CD1E: variants seen among roughly 807,000 people sequenced by gnomAD.
The protein encoded by CD1E is T-cell surface glycoprotein CD1e, membrane-associated.
A neutral mutation model predicts 40.1 loss-of-function variants in CD1E; 49 were observed. The observed-to-expected ratio is 1.22, with a 90% CI of 0.97 to 1.55. The LOEUF (loss-of-function observed/expected upper bound fraction) is 1.55. Among genes scored for constraint, CD1E ranks in the 40% most tolerant of loss-of-function variants. CD1E has a pLI of 0.00. For missense variants in CD1E, 492 were observed against 471.3 expected (o/e 1.04, Z -0.41); for synonymous variants, 189 against 178.3 (o/e 1.06, Z -0.48).
chr1:158,355,117 A>G (rs550807663), intron 2 of CD1E, among the ~76,000 whole-genome samples, 183 bp from the exon 3 acceptor site: 4 of 152,046 alleles, frequency 2.6e-5, no homozygotes, highest in South Asian at 2.1e-4. Context: ...GTTATTTCAA[A>G]GTATCTTTAT....
In CD1E at chr1:158,354,035, A is replaced by G. The variant is rs1653297037; in HGVS notation, c.47A>G (p.Glu16Gly). ...LLFEGLCCPG[E>G]NTAAPQALQS... ...TTCGAGGGTCTCTGCTGTCCTGGGG[A>G]AAATACAGCAGGTAAGAAGAGTGCA... The change falls in exon 1 of 6, where the codon GAA (glutamate) becomes GGA (glycine). Residue 16 changes from glutamate to glycine, a missense_variant. Physicochemically the swap from Glu to Gly is moderately conservative, Grantham distance 98 (BLOSUM62 -2). Transcript: ENST00000368167. 1.9e-6 allele frequency: 3 copies of G among 1,613,412 alleles called. No individual in the cohort carries two copies. Among genetic ancestry groups the G allele is most frequent in the Non-Finnish European group, 2.5e-6 (3 of 1,179,376 alleles).
Position 158,355,237 on chromosome 1 carries a change from ATTGT to A in CD1E, c.356-56_356-53del, listed in dbSNP as rs373067924. ...TCCCTTGAATCTCTTTACTGTCTAA[ATTGT>A]TTGTTTTTCTTCCTTGTCATTCTTT... On this transcript the variant is annotated intron_variant, in intron 2 of 5. Coordinates refer to ENST00000368167, the MANE Select transcript of CD1E (RefSeq NM_030893.4). 1,612 of 1,518,854 alleles carry A rather than the reference ATTGT, an allele frequency of 1.1e-3. 8 individuals carry two copies. In the African/African-American group the frequency reaches 0.02, roughly 19 times the overall value. 94.1% of individuals were successfully genotyped at this position (1,518,854 alleles called of 1,614,324 possible). A position where few individuals can be genotyped will look rare whatever the true frequency, so the allele number is the denominator to read the frequency against.
chr1:158,354,140 C>G, intron 1 of CD1E, 94 bp downstream of exon 1: 1 of 1,106,906 alleles, frequency 9.0e-7, no homozygotes, highest in Non-Finnish European at 1.4e-6. Context: ...GAGCAGTACT[C>G]TTCTAGGATG....
In CD1E at chr1:158,356,823, G is replaced by A; in HGVS notation, c.1094G>A (p.Cys365Tyr). The A allele has an allele frequency of 6.2e-7, 1 of 1,613,952 alleles. No individual in the cohort carries two copies. Among genetic ancestry groups the A allele is most frequent in the Non-Finnish European group, 8.5e-7 (1 of 1,179,990 alleles). Reference protein sequence around the residue: ...QDTKNSRHQFCLAQVSWIKNR... With the variant: ...QDTKNSRHQFYLAQVSWIKNR... Reference sequence around the variant, plus strand: ...ACCAAGAATTCAAGACATCAGTTCTGCTTGGCACAAGTATCGTGGATCAAA... The same window carrying A: ...ACCAAGAATTCAAGACATCAGTTCTACTTGGCACAAGTATCGTGGATCAAA... Residue 365 changes from cysteine to tyrosine, a missense_variant, in exon 6 of 6, where the codon TGC becomes TAC. Coordinates refer to ENST00000368167, the MANE Select transcript of CD1E (RefSeq NM_030893.4).
Position 158,355,959 on chromosome 1 carries a change from G to T in CD1E, c.758G>T (p.Gly253Val), listed in dbSNP as rs760151958. The change falls in exon 4 of 6, where the codon GGC becomes GTC. Residue 253 changes from glycine (G) to valine (V), a missense_variant. Gly to Val is a moderately radical substitution (Grantham distance 109). Transcript: ENST00000368167. Reference protein sequence around the residue: ...MWMRGEQEQRGTQRGDVLPNA... With the variant: ...MWMRGEQEQRVTQRGDVLPNA... ...ATGCGGGGTGAGCAGGAGCAGCGGGGCACTCAGCGAGGGGACGTCCTGCCT... is the reference window on the plus strand; with the variant it reads ...ATGCGGGGTGAGCAGGAGCAGCGGGTCACTCAGCGAGGGGACGTCCTGCCT... The T allele has an allele frequency of 1.9e-5, 31 of 1,614,162 alleles. 1 individual carries two copies. In the Admixed American group the frequency reaches 5.2e-4, roughly 27 times the overall value.
chr1:158,356,478 C>A lies in CD1E; in HGVS notation c.905-20C>A, dbSNP rs1450321828. 4 of 1,557,430 alleles carry A rather than the reference C, an allele frequency of 2.6e-6. No individual in the cohort carries two copies. The highest frequency in any genetic ancestry group is 1.1e-5 in the South Asian group (1 of 88,862). The stretch of plus-strand genomic sequence containing the variant: ...AATAGAGTATTTTAGGGTTGGTATT[C>A]TTATTCTATCCCCAACCAGGTGGAT... On this transcript the variant is annotated intron_variant, in intron 4 of 5. Coordinates refer to ENST00000368167, the MANE Select transcript of CD1E (RefSeq NM_030893.4).
rs1377501869 is a variant in CD1E at position 158,354,577 on chromosome 1, A to C, written c.259A>C (p.Lys87Gln). The C allele has an allele frequency of 6.2e-7, 1 of 1,614,156 alleles. No individual in the cohort carries two copies. Among genetic ancestry groups the C allele is most frequent in the Non-Finnish European group, 8.5e-7 (1 of 1,180,016 alleles). Reference sequence around the variant, plus strand: ...GCCCTGGTCCCATGGAAACTTCAGCAAGCAGGAGCTGAAAAACTTACAGTC... The same window carrying C: ...GCCCTGGTCCCATGGAAACTTCAGCCAGCAGGAGCTGAAAAACTTACAGTC... ...LKPWSHGNFSKQELKNLQSLF... is the reference protein window; with the variant it reads ...LKPWSHGNFSQQELKNLQSLF... Residue 87 changes from lysine to glutamine, a missense_variant, in exon 2 of 6, where the codon AAG (lysine) becomes CAG (glutamine). Physicochemically the swap from Lys to Gln is moderately conservative, Grantham distance 53. Coordinates refer to ENST00000368167, the MANE Select transcript of CD1E (RefSeq NM_030893.4).
Position 158,354,000 on chromosome 1 carries a change from G to A in CD1E, c.12G>A (p.Leu4=), listed in dbSNP as rs373877618. 1.9e-6 allele frequency: 3 copies of A among 1,614,136 alleles called. No individual in the cohort carries two copies. In the African/African-American group the frequency reaches 4.0e-5, roughly 22 times the overall value. ...TTAACAGAGCTTCAATGCTGCTCCT[G>A]TTCCTCCTCTTCGAGGGTCTCTGCT... The part of the protein sequence containing the change: MLL[L]FLLFEGLCCP... The change falls in exon 1 of 6, where the codon CTG becomes CTA. Residue 4 remains leucine (L), a synonymous_variant. Transcript: ENST00000368167.
Position 158,354,688 on chromosome 1 carries a change from C to A in CD1E, c.355+15C>A, listed in dbSNP as rs1653398383. ...TCAGCTTGAATGTAAGTTCGTTGCTCTAAGCTGATAATTTGCCTGGGAACA... is the reference window on the plus strand; with the variant it reads ...TCAGCTTGAATGTAAGTTCGTTGCTATAAGCTGATAATTTGCCTGGGAACA... On this transcript the variant is annotated intron_variant, in intron 2 of 5. Coordinates refer to ENST00000368167, the MANE Select transcript of CD1E (RefSeq NM_030893.4). 1.2e-6 allele frequency: 2 copies of A among 1,600,540 alleles called. No individual in the cohort carries two copies. Among genetic ancestry groups the A allele is most frequent in the Non-Finnish European group, 1.7e-6 (2 of 1,172,578 alleles).
chr1:158,355,275 A>G (rs761755027), intron 2 of CD1E, 25 bp from the exon 3 acceptor site: 1 of 1,600,990 alleles, frequency 6.2e-7, no homozygotes, highest in East Asian at 2.2e-5. Context: ...TTCCATAATG[A>G]TCTCTCTTCC....
intron 3 of CD1E, 64 bp downstream of exon 3, chr1:158,355,633 C>A: frequency 6.5e-7 from 1 of 1,530,528 alleles, no homozygotes; most frequent in Non-Finnish European, 8.8e-7. Flanking sequence ...TTGAATTTGC[C>A]TCTCATCATC....
rs201627611 is a variant in CD1E, at chr1:158,355,430, G to T, written c.486G>T (p.Gly162=). The T allele has an allele frequency of 1.2e-5, 19 of 1,614,118 alleles. No individual in the cohort carries two copies. In the African/African-American group the frequency reaches 2.4e-4, roughly 20 times the overall value. ...GISWEPSPGA[G]IRAQNICKVL... ...CCTGGGAGCCATCTCCAGGAGCAGG[G>T]ATCCGGGCCCAGAACATCTGTAAAG... The change falls in exon 3 of 6, where the codon GGG becomes GGT. Residue 162 remains glycine, a synonymous_variant. Coordinates refer to ENST00000368167, the MANE Select transcript of CD1E (RefSeq NM_030893.4).
rs560510473 is a variant in CD1E at position 158,355,937 on chromosome 1, C to T, written c.736C>T (p.Arg246Trp). Residue 246 changes from arginine to tryptophan, a missense_variant, in exon 4 of 6, where the codon CGG (arginine) becomes TGG (tryptophan). Arg to Trp is a moderately radical substitution (Grantham distance 101). Transcript: ENST00000368167. ...AAAGCCCGTGTGGGTGATGTGGATGCGGGGTGAGCAGGAGCAGCGGGGCAC... is the reference window on the plus strand; with the variant it reads ...AAAGCCCGTGTGGGTGATGTGGATGTGGGGTGAGCAGGAGCAGCGGGGCAC... ...YPKPVWVMWM[R>W]GEQEQRGTQR... The T allele has an allele frequency of 7.4e-6, 12 of 1,614,020 alleles. No individual in the cohort carries two copies. Among genetic ancestry groups the T allele is most frequent in the South Asian group, 3.3e-5 (3 of 91,064 alleles).
Position 158,353,912 on chromosome 1 carries a change from G to T in CD1E, c.-77G>T. 1 of 1,123,562 alleles carries T rather than the reference G, an allele frequency of 8.9e-7. No homozygotes were observed. Among genetic ancestry groups the T allele is most frequent in the Non-Finnish European group, 1.4e-6 (1 of 735,522 alleles). 69.6% of individuals were successfully genotyped at this position (1,123,562 alleles called of 1,614,324 possible). ...GGAAGTCAGACGAGAGTGCAAGAGG[G>T]TGTGGAGAGGGGTACTGATATCTGA... On this transcript the variant is annotated 5_prime_UTR_variant, in exon 1 of 6. Coordinates refer to ENST00000368167, the MANE Select transcript of CD1E (RefSeq NM_030893.4).
chr1:158,356,559 G>T lies in CD1E; in HGVS notation c.966G>T (p.Leu322Phe), dbSNP rs141645736. The T allele has an allele frequency of 3.5e-5, 56 of 1,613,518 alleles. No individual in the cohort carries two copies. In the East Asian group the frequency reaches 1.1e-3, roughly 32 times the overall value. The change falls in exon 5 of 6, where the codon TTG becomes TTT. Residue 322 changes from leucine (L) to phenylalanine (F), a missense_variant. By Grantham distance (22) the Leu-to-Phe change is conservative (BLOSUM62 0). Coordinates refer to ENST00000368167, the MANE Select transcript of CD1E (RefSeq NM_030893.4). Reference protein sequence around the residue: ...CLTVIVTLVILVVVDSRLKKQ... With the variant: ...CLTVIVTLVIFVVVDSRLKKQ... Reference sequence around the variant, plus strand: ...CTGTGATAGTTACCCTGGTCATATTGGTTGTAGTTGACTCACGGTTAAAAA... The same window carrying T: ...CTGTGATAGTTACCCTGGTCATATTTGTTGTAGTTGACTCACGGTTAAAAA...
In CD1E at chr1:158,355,938, G is replaced by T; in HGVS notation, c.737G>T (p.Arg246Leu). Residue 246 changes from arginine (R) to leucine (L), a missense_variant, in exon 4 of 6, where the codon CGG becomes CTG. Physicochemically the swap from Arg to Leu is moderately radical, Grantham distance 102 (BLOSUM62 -2). Coordinates refer to ENST00000368167, the MANE Select transcript of CD1E (RefSeq NM_030893.4). ...YPKPVWVMWM[R>L]GEQEQRGTQR... ...AAGCCCGTGTGGGTGATGTGGATGC[G>T]GGGTGAGCAGGAGCAGCGGGGCACT... The T allele has an allele frequency of 1.2e-6, 2 of 1,614,116 alleles. No individual in the cohort carries two copies.
At chr1:158,354,165 C>A in intron 1 of CD1E, 119 bp downstream of exon 1, 1 of 981,636 alleles carries the variant, frequency 1.0e-6, no homozygotes, top group Non-Finnish European at 1.6e-6. Context: ...TGGAATATGC[C>A]TTTCAGGCTA....
chr1:158,354,128 G>T, intron 1 of CD1E, 82 bp downstream of exon 1: 1 of 1,234,006 alleles, frequency 8.1e-7, no homozygotes, highest in South Asian at 1.2e-5. Flanking sequence ...CCTGGGGGAA[G>T]GGAGCAGTAC....
rs368721843 is a variant in CD1E, at chr1:158,354,536, C to T, written c.218C>T (p.Thr73Ile). ...QTHGWDTVLGTIRFLKPWSHG... is the reference protein window; with the variant it reads ...QTHGWDTVLGIIRFLKPWSHG... ...CATGGCTGGGACACTGTCTTGGGCACCATCCGCTTTCTGAAGCCCTGGTCC... is the reference window on the plus strand; with the variant it reads ...CATGGCTGGGACACTGTCTTGGGCATCATCCGCTTTCTGAAGCCCTGGTCC... The change falls in exon 2 of 6, where the codon ACC (threonine) becomes ATC (isoleucine). Residue 73 changes from threonine (T) to isoleucine (I), a missense_variant. Transcript: ENST00000368167. 2 of 1,613,998 alleles carry T rather than the reference C, an allele frequency of 1.2e-6. No homozygotes were observed. The highest frequency in any genetic ancestry group is 1.7e-6 in the Non-Finnish European group (2 of 1,180,034).
Sources: allele counts gnomAD v4.1 joint callset (sites outside exome capture counted in the v4.1 genomes callset), GRCh38; gene constraint gnomAD v4.1.1; transcripts MANE v1.5; gene names NCBI Gene and HGNC (gene_info 2026-07-23, HGNC 2026-07-21).